The following DSCAM variants were observed in gnomAD, a reference collection of about 807,000 sequenced individuals.
The protein encoded by DSCAM is cell adhesion molecule DSCAM.
Under a neutral mutation model 217.7 loss-of-function variants are expected in DSCAM, and 47 were observed. The ratio of observed to expected loss-of-function variants is 0.22; its 90% CI spans 0.17 to 0.28. The LOEUF (loss-of-function observed/expected upper bound fraction) is 0.28, where lower values mean the gene tolerates loss of function less well. Ranked by LOEUF, DSCAM falls within the 10% of genes least tolerant of loss-of-function variation. DSCAM has a pLI of 1.00. For synonymous variants in DSCAM, 1,056 were observed against 1,015.3 expected, an observed-to-expected ratio of 1.04 and a Z score of -0.76; for missense variants, 2,080 against 2,618.3, an observed-to-expected ratio of 0.79 and a Z score of 4.49.
intron 11 of DSCAM, among the ~76,000 whole-genome samples, chr21:40,260,837 A>G (rs888183775): frequency 6.6e-6 from 1 of 152,210 alleles, no homozygotes; most frequent in Admixed American, 6.5e-5. Flanking sequence ...AAGATGAATG[A>G]TATTAAAAAT....
chr21:40,342,793 C>T (rs571480398), intron 6 of DSCAM, among the ~76,000 whole-genome samples: 58 of 87,374 alleles, frequency 6.6e-4, no homozygotes, highest in Admixed American at 1.0e-3. Context: ...TGCCATGTTT[C>T]CCAGGCTGGC....
At position 40,369,081 on chromosome 21, in the gene DSCAM, G is replaced by C. The variant is rs372175903; in HGVS notation, c.655+18C>G. On this transcript the variant is annotated intron_variant, in intron 4 of 32. Transcript: ENST00000400454. ...AGAAATAGCAGACATAGCAGACAGA[G>C]TCTTGATAAGTTTTTACCTGATACA... 1.3e-6 allele frequency: 2 copies of C among 1,595,010 alleles called. No individual in the cohort carries two copies. Among genetic ancestry groups the C allele is most frequent in the South Asian group, 1.2e-5 (1 of 86,518 alleles).
chr21:40,497,025 C>T (rs1284307855), intron 3 of DSCAM, among the ~76,000 whole-genome samples: 1 of 152,092 alleles, frequency 6.6e-6, no homozygotes, highest in African/African-American at 2.4e-5. Flanking sequence ...AAAGAGAACC[C>T]TAGTACTCTA....
At chr21:40,418,178 G>C (rs2075389927) in intron 3 of DSCAM, among the ~76,000 whole-genome samples, 2 of 152,128 alleles carry the variant, frequency 1.3e-5, no homozygotes, top group African/African-American at 4.8e-5. Context: ...TGAAAGCATT[G>C]AGATTCAGTG....
At chr21:40,491,730 T>C (rs1176108153) in intron 3 of DSCAM, among the ~76,000 whole-genome samples, 1 of 152,150 alleles carries the variant, frequency 6.6e-6, no homozygotes, top group Non-Finnish European at 1.5e-5. Context: ...CTAAGACCTT[T>C]GCCTAGCTTC....
intron 1 of DSCAM, among the ~76,000 whole-genome samples, chr21:40,735,236 C>A (rs2091051484): frequency 1.3e-5 from 2 of 152,182 alleles, no homozygotes; most frequent in African/African-American, 4.8e-5. Flanking sequence ...CCTAGTACGG[C>A]ACTGATACAA....
Position 40,624,857 on chromosome 21 carries a change from G to C in DSCAM, c.508+67953C>G, listed in dbSNP as rs569680153. Among the ~76,000 whole-genome samples, 12 of 152,280 alleles carry C rather than the reference G, an allele frequency of 7.9e-5. No individual in the cohort carries two copies. In the South Asian group the frequency reaches 2.5e-3, roughly 32 times the overall value. ...ATCTCCAATACATTTTGAAAGAAAT[G>C]AGGTGTAAGTAATTGAATGATAATC... On this transcript the variant is annotated intron_variant, in intron 3 of 32. Transcript: ENST00000400454.
intron 1 of DSCAM, among the ~76,000 whole-genome samples, chr21:40,811,815 C>T (rs540880032): frequency 1.4e-4 from 22 of 152,222 alleles, no homozygotes; most frequent in South Asian, 1.0e-3. Flanking sequence ...GAGTAGATTG[C>T]GTTGAAGACC....
At chr21:40,836,558 C>T (rs747915670) in intron 1 of DSCAM, among the ~76,000 whole-genome samples, 1 of 152,150 alleles carries the variant, frequency 6.6e-6, no homozygotes, top group African/African-American at 2.4e-5. Context: ...CAGACATTCC[C>T]AATAAATTAC....
chr21:40,315,955 AAC>A (rs1023135250), intron 8 of DSCAM, among the ~76,000 whole-genome samples: 1 of 152,204 alleles, frequency 6.6e-6, no homozygotes, highest in Non-Finnish European at 1.5e-5. Flanking sequence ...ACAAAAACGC[AAC>A]ACACACAGTA....
Position 40,090,459 on chromosome 21 carries a change from C to G in DSCAM, c.3851-3172G>C, listed in dbSNP as rs556609935. Among the ~76,000 whole-genome samples the G allele has an allele frequency of 7.0e-4, 107 of 152,306 alleles. 1 individual carries two copies. In the South Asian group the frequency reaches 0.021, roughly 30 times the overall value. On this transcript the variant is annotated intron_variant, in intron 21 of 32. Transcript: ENST00000400454. The stretch of plus-strand genomic sequence containing the variant: ...GCATGCCCCTCCACACCCACTGATG[C>G]TGCTCACAGGAAGGTCACCACGATC...
intron 28 of DSCAM, among the ~76,000 whole-genome samples, chr21:40,058,635 C>A (rs528209239): frequency 7.9e-5 from 12 of 152,248 alleles, no homozygotes; most frequent in African/African-American, 2.6e-4. Context: ...GCAATAATAT[C>A]CTTCTCATTC....
intron 3 of DSCAM, chr21:40,629,574 A>G (rs1269544701): frequency 6.6e-6 from 1 of 152,226 alleles, no homozygotes; most frequent in African/African-American, 2.4e-5. Flanking sequence ...CTGATATCCA[A>G]AATTCCCCAG....
In DSCAM at chr21:40,398,878, G is replaced by A. The variant is rs201795265; in HGVS notation, c.509-29633C>T. Among the ~76,000 whole-genome samples, 17 of 152,020 alleles carry A rather than the reference G, an allele frequency of 1.1e-4. No individual in the cohort carries two copies. In the East Asian group the frequency reaches 1.9e-3, roughly 17 times the overall value. ...GCTGGGATTACAGGTGTCAGCCACC[G>A]CACCCAGCCTAGGAGTTTCTTTCTA... On this transcript the variant is annotated intron_variant, in intron 3 of 32. Coordinates refer to ENST00000400454, the MANE Select transcript of DSCAM (RefSeq NM_001389.5).
At chr21:40,290,999 G>A (rs1015134923) in intron 10 of DSCAM, among the ~76,000 whole-genome samples, 1 of 152,146 alleles carries the variant, frequency 6.6e-6, no homozygotes, top group African/African-American at 2.4e-5. Context: ...GCTTATATTG[G>A]AAATTGACAG....
chr21:40,188,359 A>T (rs1218519576), intron 12 of DSCAM, among the ~76,000 whole-genome samples: 1 of 152,214 alleles, frequency 6.6e-6, no homozygotes, highest in Non-Finnish European at 1.5e-5. Context: ...ATCCAAAGCA[A>T]CCATGCCTAA....
At chr21:40,429,391 C>T (rs1054475519) in intron 3 of DSCAM, among the ~76,000 whole-genome samples, 1 of 152,072 alleles carries the variant, frequency 6.6e-6, no homozygotes, top group Non-Finnish European at 1.5e-5. Context: ...CTCAGCCTCC[C>T]GAGTAGCTGG....
chr21:40,138,517 G>A (rs552297368), intron 18 of DSCAM, among the ~76,000 whole-genome samples: 129 of 146,864 alleles, frequency 8.8e-4, no homozygotes, highest in Non-Finnish European at 1.4e-3. Context: ...ATATGTATGC[G>A]GAGTGTGTGT....
At chr21:40,123,392 C>T (rs373996221) in intron 20 of DSCAM, among the ~76,000 whole-genome samples, 38 of 152,216 alleles carry the variant, frequency 2.5e-4, no homozygotes, top group Middle Eastern at 6.8e-3. Context: ...ATGCTGGGAG[C>T]TGGAGATACA....
Sources: gnomAD v4.1 joint callset for allele counts (sites outside exome capture counted in the v4.1 genomes callset) on GRCh38, gnomAD v4.1.1 for gene constraint, MANE v1.5 for transcripts, NCBI Gene and HGNC (gene_info 2026-07-23, HGNC 2026-07-21) for gene names.